SMYD4: variants seen among roughly 807,000 people sequenced by gnomAD.
SMYD4 encodes the protein SET and MYND domain containing 4.
A neutral mutation model predicts 72.8 loss-of-function variants in SMYD4; 68 were observed. That is an observed-to-expected ratio of 0.93 (90% CI 0.77 to 1.14). The LOEUF is 1.14. Among genes scored for constraint, SMYD4 ranks in the 50% most tolerant of loss-of-function variants. The probability of loss-of-function intolerance (pLI) is 0.00; values close to 1 mark genes in which losing one functional copy is unlikely to be tolerated. For missense variants in SMYD4, 984 were observed against 1,003.7 expected (o/e 0.98, Z 0.27); for synonymous variants, 407 against 388.6 (o/e 1.05, Z -0.56).
At position 1,824,955 on chromosome 17, in the gene SMYD4, C is replaced by T. The variant is rs57076178; in HGVS notation, c.134+2906G>A. 3.1e-3 allele frequency among the ~76,000 whole-genome samples: 466 copies of T among 152,194 alleles called. 2 individuals carry two copies. Among genetic ancestry groups the T allele is most frequent in the African/African-American group, 0.011 (444 of 41,532 alleles). On this transcript the variant is annotated intron_variant, in intron 2 of 10. Transcript: ENST00000305513. ...TGATGATTTTATAAGGGGCTTTCCCCCTTTGCTCAGCACTTCTCCTTCCTG... is the reference window on the plus strand; with the variant it reads ...TGATGATTTTATAAGGGGCTTTCCCTCTTTGCTCAGCACTTCTCCTTCCTG...
In SMYD4 at chr17:1,791,116, C is replaced by CAAAAA. The variant is rs56079708; in HGVS notation, c.1538-3517_1538-3513dup. ...CACTCCAGCCTGGGCTGGCCCGTCT[C>CAAAAA]AAAAAAAAAAAAAAAAAAAAAAGAT... On this transcript the variant is annotated intron_variant, in intron 5 of 10. Coordinates refer to ENST00000305513, the MANE Select transcript of SMYD4 (RefSeq NM_052928.3). Among the ~76,000 whole-genome samples, 89 of 86,430 alleles carry CAAAAA rather than the reference C, an allele frequency of 1.0e-3. 1 individual carries two copies. The highest frequency in any genetic ancestry group is 1.4e-3 in the Non-Finnish European group (65 of 45,002). 56.7% of individuals were successfully genotyped at this position (86,430 alleles called of 152,430 possible).
At chr17:1,821,541 A>G (rs776101587) in intron 2 of SMYD4, among the ~76,000 whole-genome samples, 7 of 152,062 alleles carry the variant, frequency 4.6e-5, no homozygotes, top group Non-Finnish European at 1.0e-4. Flanking sequence ...AAAACAAAGT[A>G]TATACCTGTG....
intron 5 of SMYD4, among the ~76,000 whole-genome samples, chr17:1,795,052 C>T (rs552634674): frequency 6.6e-6 from 1 of 152,314 alleles, no homozygotes; most frequent in East Asian, 1.9e-4. Context: ...TCTACATCTA[C>T]ATTCACAAGT....
chr17:1,818,047 A>G (rs1910715412), intron 2 of SMYD4, among the ~76,000 whole-genome samples: 1 of 14,108 alleles, frequency 7.1e-5, no homozygotes, highest in Admixed American at 4.3e-4. Flanking sequence ...ACTCTGTCTC[A>G]AAAAAAAAAA....
At chr17:1,785,278 C>T (rs1262721499) in intron 7 of SMYD4, among the ~76,000 whole-genome samples, 1 of 148,020 alleles carries the variant, frequency 6.8e-6, no homozygotes, top group Non-Finnish European at 1.5e-5. Context: ...AAAAAATTAG[C>T]CGGGCATGGT....
chr17:1,792,877 G>A (rs1330180982), intron 5 of SMYD4, among the ~76,000 whole-genome samples: 5 of 152,042 alleles, frequency 3.3e-5, no homozygotes, highest in African/African-American at 1.2e-4. Flanking sequence ...TTATAAGATT[G>A]GGCAAACAGT....
intron 2 of SMYD4, among the ~76,000 whole-genome samples, chr17:1,816,426 T>C (rs1597394139): frequency 6.6e-6 from 1 of 151,850 alleles, no homozygotes. Context: ...GAGACCGTCC[T>C]GGCTAACAAG....
At chr17:1,788,869 T>C (rs1433315807) in intron 5 of SMYD4, among the ~76,000 whole-genome samples, 1 of 152,240 alleles carries the variant, frequency 6.6e-6, no homozygotes, top group Admixed American at 6.5e-5. Flanking sequence ...CAAAGCCATC[T>C]GTCCTAGGAG....
chr17:1,792,360 A>C (rs1909091321), intron 5 of SMYD4, among the ~76,000 whole-genome samples: 1 of 151,784 alleles, frequency 6.6e-6, no homozygotes, highest in Admixed American at 6.6e-5. Flanking sequence ...TTAGAATTAA[A>C]AATACAGGTC....
intron 5 of SMYD4, among the ~76,000 whole-genome samples, chr17:1,793,728 T>C (rs1909184160): frequency 6.6e-6 from 1 of 151,890 alleles, no homozygotes; most frequent in Non-Finnish European, 1.5e-5. Context: ...GCAAACAGCC[T>C]TCCCCAGAGG....
intron 5 of SMYD4, among the ~76,000 whole-genome samples, chr17:1,789,764 C>CAAAAAAAAAA (rs60740904): frequency 1.1e-5 from 1 of 90,096 alleles, no homozygotes; most frequent in African/African-American, 3.7e-5. Flanking sequence ...GACTCTGTCT[C>CAAAAAAAAAA]AAAAAAAAAA....
intron 3 of SMYD4, among the ~76,000 whole-genome samples, chr17:1,811,311 A>G (rs997292010): frequency 9.2e-5 from 14 of 152,246 alleles, no homozygotes; most frequent in African/African-American, 3.4e-4. Context: ...CCGTTTCAGG[A>G]CCACAGATGC....
At chr17:1,806,836 CTACAGA>C (rs1910057876) in intron 3 of SMYD4, among the ~76,000 whole-genome samples, 2 of 152,138 alleles carry the variant, frequency 1.3e-5, no homozygotes, top group African/African-American at 4.8e-5. Context: ...GGAATTAATC[CTACAGA>C]TACAATCACT....
chr17:1,827,206 G>A (rs1911225225), intron 2 of SMYD4, among the ~76,000 whole-genome samples: 1 of 151,634 alleles, frequency 6.6e-6, no homozygotes, highest in Non-Finnish European at 1.5e-5. Context: ...GCCGAGCATG[G>A]TGGTGTGCGA....
chr17:1,783,896 G>C, intron 8 of SMYD4: 1 of 290,714 alleles, frequency 3.4e-6, no homozygotes, highest in Non-Finnish European at 6.5e-6. Flanking sequence ...ACAAAAGCAA[G>C]ACACTCCTAT....
At chr17:1,801,758 C>T (rs1458197804) in intron 4 of SMYD4, among the ~76,000 whole-genome samples, 5 of 151,232 alleles carry the variant, frequency 3.3e-5, no homozygotes, top group South Asian at 2.1e-4. Flanking sequence ...GAGCAGATCA[C>T]GAGGTCAGGT....
chr17:1,785,478 C>T (rs1254600028), intron 7 of SMYD4, among the ~76,000 whole-genome samples: 2 of 141,674 alleles, frequency 1.4e-5, no homozygotes, highest in South Asian at 2.3e-4. Flanking sequence ...AAAGGCTGGG[C>T]GTGGTGGCTC....
intron 5 of SMYD4, among the ~76,000 whole-genome samples, chr17:1,789,056 C>T (rs1009184550): frequency 6.6e-6 from 1 of 152,230 alleles, no homozygotes; most frequent in African/African-American, 2.4e-5. Flanking sequence ...CATCAAATAA[C>T]TGTGATATCA....
intron 2 of SMYD4, among the ~76,000 whole-genome samples, chr17:1,812,839 G>A (rs1037171032): frequency 3.3e-5 from 5 of 151,542 alleles, no homozygotes; most frequent in East Asian, 1.9e-4. Flanking sequence ...GTGAGCCACC[G>A]CACCTGGCCA....
Sources: gnomAD v4.1 joint callset for allele counts (sites outside exome capture counted in the v4.1 genomes callset) on GRCh38, gnomAD v4.1.1 for gene constraint, MANE v1.5 for transcripts, NCBI Gene and HGNC (gene_info 2026-07-23, HGNC 2026-07-21) for gene names.